TASP1: variants seen among roughly 807,000 people sequenced by gnomAD.
The protein encoded by TASP1 is taspase 1.
TASP1 carries 16 observed loss-of-function variants against 56.6 expected under a neutral mutation model. The ratio of observed to expected loss-of-function variants is 0.28; its 90% CI spans 0.19 to 0.43. The LOEUF (loss-of-function observed/expected upper bound fraction) is 0.43. Ranked by LOEUF, TASP1 falls within the 20% of genes least tolerant of loss-of-function variation. The pLI is 1.00. For synonymous variants in TASP1, 179 were observed against 184.2 expected, an observed-to-expected ratio of 0.97 and a Z score of 0.23; for missense variants, 393 against 511.6, an observed-to-expected ratio of 0.77 and a Z score of 2.24.
In TASP1 at chr20:13,634,345, G is replaced by A. The variant is rs145036578; in HGVS notation, c.-74-4193C>T. On this transcript the variant is annotated intron_variant, in intron 1 of 13. Coordinates refer to ENST00000337743, the MANE Select transcript of TASP1 (RefSeq NM_017714.3). ...AATAAGCAAATCTAAAGAGACAGACGGTAGATCTGTGATTGCTTAGAGCTG... is the reference window on the plus strand; with the variant it reads ...AATAAGCAAATCTAAAGAGACAGACAGTAGATCTGTGATTGCTTAGAGCTG... 3.3e-3 allele frequency among the ~76,000 whole-genome samples: 507 copies of A among 152,280 alleles called. 1 individual carries two copies. The highest frequency in any genetic ancestry group is 0.011 in the African/African-American group (451 of 41,550).
chr20:13,164,655 GA>G, the TASP1 span: 1 of 847,216 alleles, frequency 1.2e-6, no homozygotes, highest in Admixed American at 2.4e-5. Flanking sequence ...AGCAAACTAA[GA>G]CTGTGTGTCT....
intron 13 of TASP1, among the ~76,000 whole-genome samples, chr20:13,394,769 T>C (rs1184923820): frequency 6.6e-6 from 1 of 152,146 alleles, no homozygotes; most frequent in Non-Finnish European, 1.5e-5. Context: ...AGTTATAATT[T>C]GCCGCTTTCT....
chr20:13,232,063 CAAAT>C, the TASP1 span, among the ~76,000 whole-genome samples: 3 of 152,310 alleles, frequency 2.0e-5, no homozygotes, highest in East Asian at 5.8e-4. Context: ...GACAAAGAAA[CAAAT>C]AACAGACATG....
chr20:13,196,473 A>G, the TASP1 span, among the ~76,000 whole-genome samples: 1 of 152,124 alleles, frequency 6.6e-6, no homozygotes, highest in African/African-American at 2.4e-5. Context: ...ATATCTCTGC[A>G]TGGCTGGCTC....
At position 13,617,731 on chromosome 20, in the gene TASP1, T is replaced by C. The variant is rs150725474; in HGVS notation, c.282+5715A>G. Among the ~76,000 whole-genome samples, 3 of 152,278 alleles carry C rather than the reference T, an allele frequency of 2.0e-5. No homozygotes were observed. In the East Asian group the frequency reaches 5.8e-4, roughly 29 times the overall value. ...AGCAGATGCCCCTCCTTTTCTGCAA[T>C]AAAAACCAACTGACTGAAGTAGGGT... On this transcript the variant is annotated intron_variant, in intron 4 of 13. Transcript: ENST00000337743.
intron 10 of TASP1, among the ~76,000 whole-genome samples, chr20:13,518,738 A>G (rs145650796): frequency 1.8e-3 from 270 of 152,280 alleles, no homozygotes; most frequent in African/African-American, 6.3e-3. Flanking sequence ...CCCAACCCCT[A>G]AGGAATTTAG....
At chr20:13,531,279 G>C (rs2045206737) in intron 9 of TASP1, among the ~76,000 whole-genome samples, 1 of 151,452 alleles carries the variant, frequency 6.6e-6, no homozygotes, top group Non-Finnish European at 1.5e-5. Flanking sequence ...GGTAAATGGG[G>C]AGGTGGGATT....
At chr20:13,615,614 C>T in intron 4 of TASP1, among the ~76,000 whole-genome samples, 1 of 150,884 alleles carries the variant, frequency 6.6e-6, no homozygotes, top group African/African-American at 2.4e-5. Flanking sequence ...ATGCCATTCT[C>T]ATGCCTCAGC....
chr20:13,364,836 C>A, the TASP1 span, among the ~76,000 whole-genome samples: 7 of 152,218 alleles, frequency 4.6e-5, no homozygotes, highest in South Asian at 1.4e-3. Context: ...TGTCTTGGCC[C>A]CACAGCAGGT....
intron 12 of TASP1, among the ~76,000 whole-genome samples, chr20:13,428,520 T>C (rs1404597602): frequency 6.6e-6 from 1 of 152,224 alleles, no homozygotes; most frequent in African/African-American, 2.4e-5. Context: ...TTATTTTTTC[T>C]CTAAAAGCAG....
At chr20:13,248,567 G>A in the TASP1 span, among the ~76,000 whole-genome samples, 2 of 152,174 alleles carry the variant, frequency 1.3e-5, no homozygotes, top group African/African-American at 4.8e-5. Context: ...TTTACCTCTT[G>A]AGCCAGGCCT....
chr20:13,148,842 G>C, the TASP1 span, among the ~76,000 whole-genome samples: 16 of 152,296 alleles, frequency 1.1e-4, no homozygotes, highest in African/African-American at 3.4e-4. Context: ...GTGGCACTGA[G>C]GCTGCAGAGA....
the TASP1 span, among the ~76,000 whole-genome samples, chr20:13,222,888 C>G: frequency 2.0e-4 from 31 of 152,168 alleles, no homozygotes; most frequent in Non-Finnish European, 2.5e-4. Flanking sequence ...TCAAACCAGG[C>G]GCGGTGGCTC....
the TASP1 span, among the ~76,000 whole-genome samples, chr20:13,348,006 G>A: frequency 3.3e-5 from 5 of 152,026 alleles, no homozygotes; most frequent in Admixed American, 2.6e-4. Flanking sequence ...AGATATTTGC[G>A]CCCCCAGGAG....
intron 12 of TASP1, among the ~76,000 whole-genome samples, chr20:13,431,493 TGACATTATTTA>T (rs1357972016): frequency 6.6e-6 from 1 of 152,188 alleles, no homozygotes; most frequent in East Asian, 1.9e-4. Flanking sequence ...TGCTGGTTAC[TGACATTATTTA>T]GAATCAATCC....
intron 1 of TASP1, among the ~76,000 whole-genome samples, chr20:13,636,540 T>G (rs1354948243): frequency 6.6e-6 from 1 of 152,044 alleles, no homozygotes; most frequent in Non-Finnish European, 1.5e-5. Context: ...TAAATTCATC[T>G]TCTAACCAGT....
At chr20:13,623,392 G>A in intron 4 of TASP1, 54 bp downstream of exon 4, 5 of 1,459,682 alleles carry the variant, frequency 3.4e-6, no homozygotes, top group Non-Finnish European at 4.8e-6. Context: ...TGTCATTTAA[G>A]AACAATAAAG....
At chr20:13,148,856 A>G in the TASP1 span, among the ~76,000 whole-genome samples, 1 of 152,218 alleles carries the variant, frequency 6.6e-6, no homozygotes, top group Non-Finnish European at 1.5e-5. Flanking sequence ...GCAGAGAACT[A>G]TTGCCCAGCA....
chr20:13,127,384 G>T, the TASP1 span, among the ~76,000 whole-genome samples: 1 of 152,202 alleles, frequency 6.6e-6, no homozygotes, highest in African/African-American at 2.4e-5. Flanking sequence ...AGTTCTTGCT[G>T]CCAGGCAAAC....
Sources: allele counts gnomAD v4.1 joint callset (sites outside exome capture counted in the v4.1 genomes callset), GRCh38; gene constraint gnomAD v4.1.1; transcripts MANE v1.5; gene names NCBI Gene and HGNC (gene_info 2026-07-23, HGNC 2026-07-21).